The following CCDC141 variants were observed in gnomAD, a reference collection of about 807,000 sequenced individuals.
CCDC141 encodes the protein coiled-coil domain-containing protein 141.
In CCDC141, 168 loss-of-function variants were observed where a neutral mutation model predicts 181.0. The ratio of observed to expected loss-of-function variants is 0.93; its 90% CI spans 0.82 to 1.05. The LOEUF is 1.05. CCDC141 is among the 50% of genes least tolerant of loss of function. CCDC141 has a pLI of 0.00. For missense variants in CCDC141, 1,902 were observed against 1,788.5 expected, an observed-to-expected ratio of 1.06 and a Z score of -1.14; for synonymous variants, 666 against 642.3, an observed-to-expected ratio of 1.04 and a Z score of -0.56.
downstream of CCDC141, among the ~76,000 whole-genome samples, chr2:178,827,571 G>A (rs1043086480): frequency 6.6e-6 from 1 of 152,120 alleles, no homozygotes. Flanking sequence ...AGTGCACTTA[G>A]GGGGTGATGT....
intron 6 of CCDC141, among the ~76,000 whole-genome samples, chr2:178,922,876 T>C (rs879606773): frequency 2.0e-5 from 3 of 152,226 alleles, no homozygotes; most frequent in African/African-American, 4.8e-5. Context: ...TCTTATCTTT[T>C]TTTGTTCTCC....
At chr2:178,895,506 G>A (rs1472437099) in intron 8 of CCDC141, among the ~76,000 whole-genome samples, 1 of 152,174 alleles carries the variant, frequency 6.6e-6, no homozygotes, top group Non-Finnish European at 1.5e-5. Flanking sequence ...TACTTTATGA[G>A]AACCTAGTGT....
intron 2 of CCDC141, among the ~76,000 whole-genome samples, chr2:178,986,641 G>A (rs375085269): frequency 2.6e-5 from 4 of 151,526 alleles, no homozygotes; most frequent in South Asian, 2.1e-4. Flanking sequence ...AAATCAATGT[G>A]CAAAAATCAC....
At position 178,830,227 on chromosome 2, in the gene CCDC141, G is replaced by A. The variant is rs1039340511; in HGVS notation, c.*3946C>T. The A allele has an allele frequency of 1.3e-5, 2 of 152,174 alleles. No homozygotes were observed. The highest frequency in any genetic ancestry group is 4.8e-5 in the African/African-American group (2 of 41,432). 9.4% of individuals were successfully genotyped at this position (152,174 alleles called of 1,614,324 possible). ...CACTTTAAAATGTTGGAACAATATT[G>A]ATCCAGGAACAACAATCCTGGACCT... On this transcript the variant is annotated 3_prime_UTR_variant, in exon 24 of 24. Coordinates refer to ENST00000443758, the MANE Select transcript of CCDC141 (RefSeq NM_173648.4).
At chr2:178,903,299 C>T (rs1687795294) in intron 8 of CCDC141, among the ~76,000 whole-genome samples, 1 of 151,794 alleles carries the variant, frequency 6.6e-6, no homozygotes, top group South Asian at 2.1e-4. Flanking sequence ...TATAAAGACA[C>T]ATGCACACGT....
At chr2:179,032,920 T>C (rs2043038695) in intron 2 of CCDC141, among the ~76,000 whole-genome samples, 1 of 151,406 alleles carries the variant, frequency 6.6e-6, no homozygotes, top group East Asian at 1.9e-4. Context: ...GAACTTGTCA[T>C]GAGAATGACA....
intron 2 of CCDC141, among the ~76,000 whole-genome samples, chr2:178,989,624 A>AT (rs1691943950): frequency 6.7e-6 from 1 of 149,102 alleles, no homozygotes; most frequent in Non-Finnish European, 1.5e-5. Flanking sequence ...AAATAAATAA[A>AT]TAAATAAATA....
intron 2 of CCDC141, among the ~76,000 whole-genome samples, chr2:178,986,166 G>A (rs984540815): frequency 2.6e-5 from 4 of 152,072 alleles, no homozygotes; most frequent in South Asian, 2.1e-4. Context: ...TTCAATATAC[G>A]CAAATCAATA....
chr2:178,967,406 A>G (rs1690688710), intron 4 of CCDC141, among the ~76,000 whole-genome samples: 1 of 152,222 alleles, frequency 6.6e-6, no homozygotes, highest in Non-Finnish European at 1.5e-5. Context: ...CAGAAACTCT[A>G]AAAGCCAGAA....
intron 4 of CCDC141, among the ~76,000 whole-genome samples, chr2:178,965,991 A>G (rs540925622): frequency 4.2e-4 from 64 of 152,322 alleles, no homozygotes; most frequent in East Asian, 1.2e-3. Context: ...ATCACAGTGT[A>G]AACAAAGCCA....
At chr2:178,816,786 G>T in the CCDC141 span, among the ~76,000 whole-genome samples, 1 of 152,106 alleles carries the variant, frequency 6.6e-6, no homozygotes, top group Non-Finnish European at 1.5e-5. Context: ...TAAGTACTTT[G>T]GGATAATTAG....
chr2:178,956,334 T>C (rs551937922), intron 5 of CCDC141, among the ~76,000 whole-genome samples: 10 of 152,218 alleles, frequency 6.6e-5, no homozygotes, highest in Non-Finnish European at 1.5e-4. Context: ...TCTCACTCTG[T>C]CACCCAGACT....
chr2:178,921,689 T>A (rs1688695869), intron 6 of CCDC141, among the ~76,000 whole-genome samples: 1 of 152,212 alleles, frequency 6.6e-6, no homozygotes, highest in East Asian at 1.9e-4. Context: ...TTTGTAGTCA[T>A]CTCAGGGGAC....
intron 8 of CCDC141, among the ~76,000 whole-genome samples, chr2:178,902,208 C>T (rs1443890087): frequency 2.6e-5 from 4 of 152,140 alleles, no homozygotes; most frequent in Admixed American, 2.6e-4. Context: ...TCAATGCTAT[C>T]CCCATCAAGC....
chr2:178,938,210 A>G (rs886687394), intron 6 of CCDC141, among the ~76,000 whole-genome samples: 6 of 152,024 alleles, frequency 3.9e-5, no homozygotes, highest in African/African-American at 1.2e-4. Flanking sequence ...TTTAGGGGAG[A>G]ACACTAAATG....
At chr2:178,865,126 T>C (rs770913959) in intron 17 of CCDC141, among the ~76,000 whole-genome samples, 41 of 152,204 alleles carry the variant, frequency 2.7e-4, no homozygotes, top group Non-Finnish European at 5.3e-4. Flanking sequence ...GGGGAGGAGA[T>C]AGAATTAAGC....
chr2:178,869,518 G>A (rs1319825672), intron 14 of CCDC141, among the ~76,000 whole-genome samples: 1 of 152,068 alleles, frequency 6.6e-6, no homozygotes, highest in Non-Finnish European at 1.5e-5. Context: ...AAAAAAAATA[G>A]CATGAGCAAT....
intron 5 of CCDC141, among the ~76,000 whole-genome samples, chr2:178,958,402 G>A (rs973332581): frequency 6.6e-6 from 1 of 151,810 alleles, no homozygotes; most frequent in Non-Finnish European, 1.5e-5. Context: ...GCAGGTATGG[G>A]GGCAGGGAAC....
At chr2:178,912,224 TA>T (rs1688247591) in intron 7 of CCDC141, among the ~76,000 whole-genome samples, 1 of 152,184 alleles carries the variant, frequency 6.6e-6, no homozygotes, top group Non-Finnish European at 1.5e-5. Context: ...TCTATAATAC[TA>T]AGCAGAATGT....
Sources: gnomAD v4.1 joint callset for allele counts (sites outside exome capture counted in the v4.1 genomes callset) on GRCh38, gnomAD v4.1.1 for gene constraint, MANE v1.5 for transcripts, NCBI Gene and HGNC (gene_info 2026-07-23, HGNC 2026-07-21) for gene names.